Variants in OPCML observed in about 807,000 individuals in gnomAD.
The protein encoded by OPCML is opioid binding protein/cell adhesion molecule like, also known as opioid-binding protein/cell adhesion molecule.
OPCML carries 13 observed loss-of-function variants against 37.8 expected under a neutral mutation model. The observed-to-expected ratio is 0.34, with a 90% CI of 0.22 to 0.55. The LOEUF (loss-of-function observed/expected upper bound fraction) is 0.55. Among genes scored for constraint, OPCML ranks in the 20% least tolerant of loss-of-function variants. The pLI, the probability that OPCML is intolerant of heterozygous loss-of-function variation, is 0.91. For missense variants in OPCML, 341 were observed against 435.6 expected, an observed-to-expected ratio of 0.78 and a Z score of 1.93; for synonymous variants, 176 against 168.8, an observed-to-expected ratio of 1.04 and a Z score of -0.33.
At chr11:133,236,458 G>A (rs753283412) in intron 1 of OPCML, among the ~76,000 whole-genome samples, 1 of 152,120 alleles carries the variant, frequency 6.6e-6, no homozygotes, top group African/African-American at 2.4e-5. Flanking sequence ...AAGGGCCAAC[G>A]ACTGCAGTTA....
intron 4 of OPCML, among the ~76,000 whole-genome samples, chr11:132,519,862 G>A (rs2096288454): frequency 6.6e-6 from 1 of 152,176 alleles, no homozygotes; most frequent in Non-Finnish European, 1.5e-5. Context: ...AGACAAAGAA[G>A]TAGTAGCAAG....
rs577393408 is a variant in OPCML, at chr11:132,415,392, C to G, written c.*4801G>C. 1 of 152,324 alleles carries G rather than the reference C, an allele frequency of 6.6e-6. No homozygotes were observed. Among genetic ancestry groups the G allele is most frequent in the Admixed American group, 6.5e-5 (1 of 15,290 alleles). The allele number at this position is 152,324 out of a possible 1,614,324, so 9.4% of individuals were successfully genotyped here. A position where few individuals can be genotyped will look rare whatever the true frequency, so the allele number is the denominator to read the frequency against. ...ACACATTTTCGTTCACCCACACAGT[C>G]CTCACAACTGCACTTGACATGTCAC... On this transcript the variant is annotated 3_prime_UTR_variant, in exon 8 of 8. Transcript: ENST00000524381.
rs1565469113 is a variant in OPCML at position 133,141,032 on chromosome 11, AC to A, written c.62-198023del. 9.0e-4 allele frequency among the ~76,000 whole-genome samples: 24 copies of A among 26,676 alleles called. 9 individuals are homozygous for A. Among genetic ancestry groups the A allele is most frequent in the African/African-American group, 1.6e-3 (24 of 14,658 alleles). 17.5% of individuals were successfully genotyped at this position (26,676 alleles called of 152,430 possible). A position where few individuals can be genotyped will look rare whatever the true frequency, so the allele number is the denominator to read the frequency against. On this transcript the variant is annotated intron_variant, in intron 1 of 7. Coordinates refer to ENST00000524381, the MANE Select transcript of OPCML (RefSeq NM_001012393.5). ...GACGACGACGACGACGACGACGACGACGACGACGACGACGACGAAGAAGAAG... is the reference window on the plus strand; with the variant it reads ...GACGACGACGACGACGACGACGACGAGACGACGACGACGACGAAGAAGAAG...
chr11:132,806,247 C>T (rs1237871795), intron 2 of OPCML, among the ~76,000 whole-genome samples: 1 of 152,016 alleles, frequency 6.6e-6, no homozygotes, highest in Non-Finnish European at 1.5e-5. Context: ...ATATGGTAGA[C>T]TTAAATCAAA....
intron 3 of OPCML, among the ~76,000 whole-genome samples, chr11:132,566,215 T>C (rs2096422691): frequency 1.3e-5 from 2 of 152,230 alleles, no homozygotes; most frequent in Non-Finnish European, 2.9e-5. Flanking sequence ...TCTTTTCTTT[T>C]TCTGTTTAAT....
At chr11:133,242,747 C>G (rs1940776252) in intron 1 of OPCML, among the ~76,000 whole-genome samples, 1 of 152,170 alleles carries the variant, frequency 6.6e-6, no homozygotes, top group Non-Finnish European at 1.5e-5. Flanking sequence ...GGACAGAACT[C>G]AGTCCATAAC....
intron 1 of OPCML, among the ~76,000 whole-genome samples, chr11:133,296,437 G>A (rs926463386): frequency 1.3e-5 from 2 of 152,228 alleles, no homozygotes; most frequent in Non-Finnish European, 2.9e-5. Flanking sequence ...CTGGAAGCCC[G>A]CTCAACAATT....
At chr11:132,768,212 T>C (rs927782662) in intron 2 of OPCML, among the ~76,000 whole-genome samples, 29 of 152,354 alleles carry the variant, frequency 1.9e-4, no homozygotes, top group African/African-American at 6.7e-4. Flanking sequence ...CTATTCATTG[T>C]TCTGATTTTA....
chr11:132,894,945 C>A (rs1165151431), intron 2 of OPCML, among the ~76,000 whole-genome samples: 1 of 152,164 alleles, frequency 6.6e-6, no homozygotes, highest in African/African-American at 2.4e-5. Context: ...TGAGTCAATT[C>A]CCCTAATAAA....
At chr11:133,244,604 A>G (rs1256688543) in intron 1 of OPCML, among the ~76,000 whole-genome samples, 1 of 152,128 alleles carries the variant, frequency 6.6e-6, no homozygotes, top group Non-Finnish European at 1.5e-5. Flanking sequence ...AATGGATCAC[A>G]GGGCAGATTT....
intron 1 of OPCML, among the ~76,000 whole-genome samples, chr11:133,228,597 G>T (rs1940141383): frequency 6.6e-6 from 1 of 152,234 alleles, no homozygotes; most frequent in African/African-American, 2.4e-5. Flanking sequence ...GCCCTGCCGG[G>T]CCTCCCCGTC....
chr11:133,045,728 T>C (rs1171973587), intron 1 of OPCML, among the ~76,000 whole-genome samples: 1 of 152,220 alleles, frequency 6.6e-6, no homozygotes, highest in African/African-American at 2.4e-5. Flanking sequence ...CTTCGTCTTC[T>C]AGCATGTTAG....
chr11:133,316,489 G>A (rs1041102203), intron 1 of OPCML, among the ~76,000 whole-genome samples: 9 of 152,090 alleles, frequency 5.9e-5, no homozygotes, highest in African/African-American at 2.2e-4. Context: ...GGGAGGGAGA[G>A]CATTAGGACA....
intron 1 of OPCML, among the ~76,000 whole-genome samples, chr11:133,163,599 A>G (rs199683110): frequency 6.6e-6 from 1 of 152,216 alleles, no homozygotes; most frequent in Non-Finnish European, 1.5e-5. Context: ...TATGGTGTAT[A>G]CCACAGCCTC....
intron 1 of OPCML, among the ~76,000 whole-genome samples, chr11:133,375,124 CCACCG>C (rs1163607337): frequency 6.6e-6 from 1 of 152,168 alleles, no homozygotes. Context: ...GTTCTGCTCC[CCACCG>C]CATGATCCAG....
chr11:132,624,333 T>G (rs1939608768), intron 3 of OPCML, among the ~76,000 whole-genome samples: 1 of 152,240 alleles, frequency 6.6e-6, no homozygotes, highest in East Asian at 1.9e-4. Flanking sequence ...TATCATGGTA[T>G]GATAACAAGG....
intron 2 of OPCML, among the ~76,000 whole-genome samples, chr11:132,687,926 C>G (rs1019842198): frequency 3.9e-5 from 6 of 152,190 alleles, no homozygotes; most frequent in East Asian, 3.9e-4. Flanking sequence ...AAATTGGGCT[C>G]TCTGTGATTT....
chr11:132,468,171 C>T (rs73585035), intron 4 of OPCML, among the ~76,000 whole-genome samples: 2,571 of 152,272 alleles, frequency 0.017, 91 homozygotes, highest in African/African-American at 0.06. Flanking sequence ...TGCTCACTCT[C>T]CTCTGGCTCT....
At chr11:132,866,251 A>G (rs1034612048) in intron 2 of OPCML, among the ~76,000 whole-genome samples, 3 of 152,246 alleles carry the variant, frequency 2.0e-5, no homozygotes, top group Non-Finnish European at 2.9e-5. Flanking sequence ...TGAGGCAGAA[A>G]AAAAGTCAAG....
Sources: gnomAD v4.1 joint callset for allele counts (sites outside exome capture counted in the v4.1 genomes callset) on GRCh38, gnomAD v4.1.1 for gene constraint, MANE v1.5 for transcripts, NCBI Gene and HGNC (gene_info 2026-07-23, HGNC 2026-07-21) for gene names.